Variants in DVL1 observed in about 807,000 individuals in gnomAD.
The protein encoded by DVL1 is dishevelled segment polarity protein 1, also known as segment polarity protein dishevelled homolog DVL-1.
Under a neutral mutation model 65.0 loss-of-function variants are expected in DVL1, and 49 were observed. The ratio of observed to expected loss-of-function variants is 0.75; its 90% CI spans 0.60 to 0.96. The LOEUF (loss-of-function observed/expected upper bound fraction) is 0.96. Among genes scored for constraint, DVL1 ranks in the 40% least tolerant of loss-of-function variants. The probability of loss-of-function intolerance (pLI) is 0.00; values close to 1 mark genes in which losing one functional copy is unlikely to be tolerated. For synonymous variants in DVL1, 608 were observed against 433.9 expected (o/e 1.40, Z -4.99); for missense variants, 1,197 against 1,045.4 (o/e 1.15, Z -2.00).
rs1287882535 is a variant in DVL1, at chr1:1,340,184, G to C, written c.770-7C>G. On this transcript the variant is annotated splice_polypyrimidine_tract_variant and splice_region_variant and intron_variant, in intron 7 of 14. Coordinates refer to ENST00000378888, the MANE Select transcript of DVL1 (RefSeq NM_001330311.2). ...CCCAGAAAGTGATGTCTTTCTGCAGGAAGAGCCATGAGCCGCGGCCAAGCC... is the reference window on the plus strand; with the variant it reads ...CCCAGAAAGTGATGTCTTTCTGCAGCAAGAGCCATGAGCCGCGGCCAAGCC... The C allele has an allele frequency of 6.2e-7, 1 of 1,613,554 alleles. No individual in the cohort carries two copies. The highest frequency in any genetic ancestry group is 1.7e-5 in the Admixed American group (1 of 59,998).
Position 1,340,303 on chromosome 1 carries a change from C to T in DVL1, c.713G>A (p.Ser238Asn), listed in dbSNP as rs1643749267. 1 of 1,613,898 alleles carries T rather than the reference C, an allele frequency of 6.2e-7. No homozygotes were observed. The change falls in exon 7 of 15, where the codon AGC becomes AAC. Residue 238 changes from serine (S) to asparagine (N), a missense_variant. Coordinates refer to ENST00000378888, the MANE Select transcript of DVL1 (RefSeq NM_001330311.2). ...GGACATGGTGGAGTCGGTTATGCTG[C>T]TGAAGGAGGAGGCCTATGGAGGAGA... ...LRQADRASSF[S>N]SITDSTMSLN...
intron 14 of DVL1, chr1:1,336,948 C>G: frequency 1.0e-6 from 1 of 959,028 alleles, no homozygotes; most frequent in African/African-American, 1.8e-5. Context: ...GCTCCCAAGA[C>G]GCAGTGGGAG....
In DVL1 at chr1:1,336,511, G is replaced by A. The variant is rs1255097536; in HGVS notation, c.1719C>T (p.Ser573=). ...TGCTCCGGGTGGACCCACTGCTTTT[G>A]CTCCCTGGGAGTGAGAACAGGATGG... ...GSTGSQQSEG[S]KSSGSTRSSR... The change falls in exon 15 of 15, where the codon AGC becomes AGT. Residue 573 remains serine (S), a synonymous_variant. Coordinates refer to ENST00000378888, the MANE Select transcript of DVL1 (RefSeq NM_001330311.2). 10 of 1,514,462 alleles carry A rather than the reference G, an allele frequency of 6.6e-6. No individual in the cohort carries two copies. The highest frequency in any genetic ancestry group is 8.8e-6 in the Non-Finnish European group (10 of 1,140,460). The allele number at this position is 1,514,462 out of a possible 1,614,324, so 93.8% of individuals were successfully genotyped here.
rs1217960150 is a variant in DVL1 at position 1,338,416 on chromosome 1, G to C, written c.1360C>G (p.Leu454Val). ...TTGAAGCCCTCCACGTGTGTGTACA[G>C]CCAGTCCACCACGTCCGCCCCTGGC... ...AVIGADVVDW[L>V]YTHVEGFKER... Residue 454 changes from leucine (L) to valine (V), a missense_variant, in exon 13 of 15, where the codon CTG (leucine) becomes GTG (valine). Physicochemically the swap from Leu to Val is conservative, Grantham distance 32 (BLOSUM62 1). Transcript: ENST00000378888. 6.2e-7 allele frequency: 1 copy of C among 1,611,878 alleles called. No homozygotes were observed. The highest frequency in any genetic ancestry group is 2.2e-5 in the East Asian group (1 of 44,868).
At chr1:1,341,460 GCA>G (rs1435641930) in intron 5 of DVL1, among the ~76,000 whole-genome samples, 6 of 151,946 alleles carry the variant, frequency 3.9e-5, no homozygotes, top group East Asian at 1.9e-4. Flanking sequence ...ACACAGGCGC[GCA>G]CACACGTGCA....
In DVL1 at chr1:1,341,768, C is replaced by T; in HGVS notation, c.504G>A (p.Arg168=). 1 of 1,603,076 alleles carries T rather than the reference C, an allele frequency of 6.2e-7. No homozygotes were observed. The highest frequency in any genetic ancestry group is 8.5e-7 in the Non-Finnish European group (1 of 1,174,412). ...TGTCTGGGGGCAGCCCCACATCCCG[C>T]CGTCGGTCTCCCCTTGGGTGCCCAT... ...RTNGHPRGDR[R]RDVGLPPDSA... is the part of the protein sequence containing the mutation. The change falls in exon 5 of 15, where the codon CGG becomes CGA. Residue 168 remains arginine (R), a synonymous_variant. Transcript: ENST00000378888.
chr1:1,345,805 A>G (rs1429701349), intron 1 of DVL1, among the ~76,000 whole-genome samples: 1 of 152,092 alleles, frequency 6.6e-6, no homozygotes, highest in African/African-American at 2.4e-5. Flanking sequence ...CTGGCCCAGG[A>G]CAGGCGGTGC....
intron 5 of DVL1, 34 bp from the exon 6 acceptor site, chr1:1,340,537 G>C (rs762163029): frequency 5.1e-6 from 8 of 1,569,368 alleles, no homozygotes; most frequent in East Asian, 2.3e-5. Flanking sequence ...AGAGGAGCTG[G>C]AGACATGGGT....
intron 11 of DVL1, 77 bp downstream of exon 11, chr1:1,339,210 C>G: frequency 6.6e-7 from 1 of 1,516,476 alleles, no homozygotes; most frequent in Non-Finnish European, 8.9e-7. Flanking sequence ...CGGCCACAGG[C>G]GGCCATGCTG....
chr1:1,347,674 G>A (rs1298213418), intron 1 of DVL1, among the ~76,000 whole-genome samples: 3 of 152,226 alleles, frequency 2.0e-5, no homozygotes, highest in Non-Finnish European at 4.4e-5. Context: ...AGCAGCCCAG[G>A]CCCAGAGAAG....
In DVL1 at chr1:1,339,657, A is replaced by G; in HGVS notation, c.987-8T>C. On this transcript the variant is annotated splice_region_variant and splice_polypyrimidine_tract_variant and intron_variant, in intron 9 of 14. Transcript: ENST00000378888. ...ACAGTGAGGCTGATGGGCCTGCAGG[A>G]ACGGTGGTCACACAGCAAGGCCCCC... 6.2e-7 allele frequency: 1 copy of G among 1,611,548 alleles called. No homozygotes were observed. Among genetic ancestry groups the G allele is most frequent in the South Asian group, 1.1e-5 (1 of 91,008 alleles).
chr1:1,340,547 TA>T (rs928079943), intron 5 of DVL1, 44 bp from the exon 6 acceptor site: 6 of 1,556,486 alleles, frequency 3.9e-6, no homozygotes, highest in Non-Finnish European at 4.4e-6. Context: ...GAGACATGGG[TA>T]GGGGGGTGGG....
rs940589568 is a variant in DVL1, at chr1:1,336,215, T to G, written c.2015A>C (p.Glu672Ala). The part of the protein sequence containing the change: ...PVRELAAVPP[E>A]LTGSRQSFQK... ...GAAGGACTGGCGGCTGCCTGTCAAT[T>G]CCGGGGGGACGGCAGCCAGCTCCCG... The change falls in exon 15 of 15, where the codon GAA (glutamate) becomes GCA (alanine). Residue 672 changes from glutamate to alanine, a missense_variant. Coordinates refer to ENST00000378888, the MANE Select transcript of DVL1 (RefSeq NM_001330311.2). 2.6e-6 allele frequency: 4 copies of G among 1,559,668 alleles called. No homozygotes were observed. In the African/African-American group the frequency reaches 4.0e-5, roughly 16 times the overall value.
chr1:1,338,798 C>A (rs1643680847), intron 11 of DVL1, 145 bp from the exon 12 acceptor site: 9 of 1,301,176 alleles, frequency 6.9e-6, no homozygotes, highest in Non-Finnish European at 5.1e-6. Context: ...CGGCCCACTG[C>A]AGGATGCACC....
At chr1:1,341,557 C>A in intron 5 of DVL1, 110 bp downstream of exon 5, 1 of 1,362,198 alleles carries the variant, frequency 7.3e-7, no homozygotes, top group African/African-American at 1.4e-5. Context: ...CATGCACACA[C>A]ACGCACACAC....
chr1:1,340,613 A>G, intron 5 of DVL1, 110 bp from the exon 6 acceptor site: 1 of 1,231,380 alleles, frequency 8.1e-7, no homozygotes, highest in Non-Finnish European at 1.1e-6. Context: ...GGCTTGTTCC[A>G]AAGCAGGCTC....
chr1:1,347,186 A>ACAGCC (rs572518427), intron 1 of DVL1, among the ~76,000 whole-genome samples: 11 of 151,540 alleles, frequency 7.3e-5, no homozygotes, highest in South Asian at 4.2e-4. Flanking sequence ...TCCAACCCCC[A>ACAGCC]CAGCCCAGCC....
chr1:1,341,239 G>A (rs529005332), intron 5 of DVL1, among the ~76,000 whole-genome samples: 4 of 150,902 alleles, frequency 2.7e-5, no homozygotes, highest in Admixed American at 1.3e-4. Context: ...ACACACCTGC[G>A]CACACGCGTG....
At chr1:1,339,207 A>C in intron 11 of DVL1, 80 bp downstream of exon 11, 1 of 1,519,000 alleles carries the variant, frequency 6.6e-7, no homozygotes, top group Non-Finnish European at 8.9e-7. Context: ...TGACGGCCAC[A>C]GGCGGCCATG....
Sources: gnomAD v4.1 joint callset for allele counts (sites outside exome capture counted in the v4.1 genomes callset) on GRCh38, gnomAD v4.1.1 for gene constraint, MANE v1.5 for transcripts, NCBI Gene and HGNC (gene_info 2026-07-23, HGNC 2026-07-21) for gene names.